The following EQTN variants were observed in gnomAD, a reference collection of about 807,000 sequenced individuals.
EQTN encodes equatorin.
Under a neutral mutation model 26.9 loss-of-function variants are expected in EQTN, and 29 were observed. The ratio of observed to expected loss-of-function variants is 1.08; its 90% CI spans 0.80 to 1.47. The LOEUF (loss-of-function observed/expected upper bound fraction) is 1.47, where lower values mean the gene tolerates loss of function less well. Among genes scored for constraint, EQTN ranks in the 40% most tolerant of loss-of-function variants. The probability of loss-of-function intolerance (pLI) is 0.00; values close to 1 mark genes in which losing one functional copy is unlikely to be tolerated. For missense variants in EQTN, 391 were observed against 346.1 expected, an observed-to-expected ratio of 1.13 and a Z score of -1.03; for synonymous variants, 129 against 120.0, an observed-to-expected ratio of 1.07 and a Z score of -0.49.
intron 6 of EQTN, among the ~76,000 whole-genome samples, chr9:27,288,549 C>T (rs1820165113): frequency 6.6e-6 from 1 of 152,146 alleles, no homozygotes; most frequent in Non-Finnish European, 1.5e-5. Context: ...CTTATGTACA[C>T]ACAAAACCCT....
At position 27,286,072 on chromosome 9, in the gene EQTN, A is replaced by T. The variant is rs188010079; in HGVS notation, c.635+137T>A. ...AGACAGTCCCGTGCTCCATCCGAAT[A>T]GGGTAAATGGAATCAATTTGAATGT... On this transcript the variant is annotated intron_variant, in intron 7 of 7. Transcript: ENST00000380032. 1.6e-4 allele frequency: 133 copies of T among 851,940 alleles called. No individual in the cohort carries two copies. The African/African-American group carries it at 1.8e-3, about 11-fold the overall frequency. 52.8% of individuals were successfully genotyped at this position (851,940 alleles called of 1,614,324 possible).
chr9:27,296,002 G>C (rs1049308962), intron 2 of EQTN, among the ~76,000 whole-genome samples: 4 of 151,970 alleles, frequency 2.6e-5, no homozygotes, highest in Admixed American at 6.6e-5. Context: ...AGTTATTAAA[G>C]ATACTTAAAC....
rs1257751590 is a variant in EQTN at position 27,285,483 on chromosome 9, G to C, written c.636-511C>G. Among the ~76,000 whole-genome samples the C allele has an allele frequency of 3.9e-5, 6 of 152,092 alleles. No individual in the cohort carries two copies. The East Asian group carries it at 1.2e-3, about 29-fold the overall frequency. The stretch of plus-strand genomic sequence containing the variant: ...GTAATTTGATTCTATGTAACACTTT[G>C]AAGCATGTTTCAAATCTCTACTAGA... On this transcript the variant is annotated intron_variant, in intron 7 of 7. Coordinates refer to ENST00000380032, the MANE Select transcript of EQTN (RefSeq NM_020641.3).
In EQTN at chr9:27,289,709, G is replaced by C; in HGVS notation, c.444C>G (p.Val148=). 6.2e-7 allele frequency: 1 copy of C among 1,607,456 alleles called. No homozygotes were observed. Among genetic ancestry groups the C allele is most frequent in the Non-Finnish European group, 8.5e-7 (1 of 1,176,754 alleles). Residue 148 remains valine, a synonymous_variant, in exon 6 of 8, where the codon GTC becomes GTG. Transcript: ENST00000380032. The part of the protein sequence containing the change: ...LAKAINGTAV[V]MDDKDQLFHP... ...GAAATAATTGATCTTTATCATCCATGACCACTGCTGTTCCATTTATAGCTG... is the reference window on the plus strand; with the variant it reads ...GAAATAATTGATCTTTATCATCCATCACCACTGCTGTTCCATTTATAGCTG...
At chr9:27,295,859 G>GAAAAAAAAA (rs1563833686) in intron 2 of EQTN, among the ~76,000 whole-genome samples, 8 of 128,404 alleles carry the variant, frequency 6.2e-5, no homozygotes, top group African/African-American at 2.5e-4. Context: ...AAAAAACAAC[G>GAAAAAAAAA]ATAAAATTAC....
In EQTN at chr9:27,291,068, TAAAAC is replaced by T; in HGVS notation, c.377-10_377-6del. 6.2e-7 allele frequency: 1 copy of T among 1,608,286 alleles called. No homozygotes were observed. Among genetic ancestry groups the T allele is most frequent in the Non-Finnish European group, 8.5e-7 (1 of 1,177,372 alleles). ...CAGGCACGTTTGGGGTTGATCCTGT[TAAAAC>T]AAAACAAAACACAACAAGAACAACA... On this transcript the variant is annotated splice_polypyrimidine_tract_variant and splice_region_variant and intron_variant, in intron 4 of 7. Transcript: ENST00000380032.
At chr9:27,285,049 A>C in intron 7 of EQTN, 77 bp from the exon 8 acceptor site, 1 of 1,339,746 alleles carries the variant, frequency 7.5e-7, no homozygotes, top group South Asian at 1.5e-5. Flanking sequence ...AAAGCATTCA[A>C]AAATTAAAAT....
At chr9:27,285,133 CTTTTTTTTT>C (rs201723057) in intron 7 of EQTN, among the ~76,000 whole-genome samples, 161 bp from the exon 8 acceptor site, 2 of 77,078 alleles carry the variant, frequency 2.6e-5, no homozygotes, top group South Asian at 4.9e-4. Flanking sequence ...TTTTCTTTTC[CTTTTTTTTT>C]TTTTTTTTTT....
intron 5 of EQTN, 32 bp from the exon 6 acceptor site, chr9:27,289,763 A>G (rs1406303763): frequency 6.4e-7 from 1 of 1,556,584 alleles, no homozygotes; most frequent in Non-Finnish European, 8.8e-7. Flanking sequence ...ATGGTAAACA[A>G]CGTTCACTTA....
intron 6 of EQTN, 88 bp downstream of exon 6, chr9:27,289,584 A>C: frequency 8.9e-7 from 1 of 1,117,694 alleles, no homozygotes; most frequent in East Asian, 2.6e-5. Flanking sequence ...TCCTGGACTC[A>C]AGCGATCCAC....
At chr9:27,294,973 C>T (rs899483712) in intron 2 of EQTN, among the ~76,000 whole-genome samples, 2 of 152,148 alleles carry the variant, frequency 1.3e-5, no homozygotes, top group Admixed American at 6.5e-5. Context: ...TGGATCAAGA[C>T]GGCAGACTGG....
intron 6 of EQTN, among the ~76,000 whole-genome samples, chr9:27,289,118 G>A (rs187028950): frequency 3.3e-5 from 5 of 152,108 alleles, no homozygotes; most frequent in Non-Finnish European, 7.4e-5. Context: ...AATTCTGTAC[G>A]TTCTGCCAAA....
intron 6 of EQTN, among the ~76,000 whole-genome samples, chr9:27,288,417 C>T (rs1367383843): frequency 6.6e-6 from 1 of 152,174 alleles, no homozygotes; most frequent in Non-Finnish European, 1.5e-5. Flanking sequence ...CCACTCTCAT[C>T]TTCCCACCTT....
rs765247653 is a variant in EQTN at position 27,284,770 on chromosome 9, C to G, written c.838G>C (p.Gly280Arg). 13 of 1,613,952 alleles carry G rather than the reference C, an allele frequency of 8.1e-6. No individual in the cohort carries two copies. The South Asian group carries it at 1.4e-4, about 18-fold the overall frequency. The change falls in exon 8 of 8, where the codon GGC (glycine) becomes CGC (arginine). Residue 280 changes from glycine (G) to arginine (R), a missense_variant. By Grantham distance (125) the Gly-to-Arg change is moderately radical. Coordinates refer to ENST00000380032, the MANE Select transcript of EQTN (RefSeq NM_020641.3). ...SKIMTDIISI[G>R]SDNEMHENDE... ...TTTTCATGCATCTCATTATCTGAGC[C>G]TATGGAAATGATATCCGTCATTATC... is the stretch of plus-strand genomic sequence containing the variant.
chr9:27,288,225 T>C (rs1476141695), intron 6 of EQTN, among the ~76,000 whole-genome samples: 1 of 152,200 alleles, frequency 6.6e-6, no homozygotes, highest in Non-Finnish European at 1.5e-5. Context: ...ACAGAGGTTT[T>C]TTTTGGGGAA....
chr9:27,297,041 C>G lies in EQTN; in HGVS notation c.15G>C (p.Leu5Phe). The G allele has an allele frequency of 6.2e-7, 1 of 1,606,988 alleles. No homozygotes were observed. Among genetic ancestry groups the G allele is most frequent in the East Asian group, 2.2e-5 (1 of 44,784 alleles). ...AAAAAACTCCAGGTATAAAAATAAACAATATAAAATTCATTGGGAAATTGA... is the reference window on the plus strand; with the variant it reads ...AAAAAACTCCAGGTATAAAAATAAAGAATATAAAATTCATTGGGAAATTGA... MNFI[L>F]FIFIPGVFSL... Residue 5 changes from leucine (L) to phenylalanine (F), a missense_variant, in exon 1 of 8, where the codon TTG (leucine) becomes TTC (phenylalanine). By Grantham distance (22) the Leu-to-Phe change is conservative. Transcript: ENST00000380032.
At position 27,286,189 on chromosome 9, in the gene EQTN, GC is replaced by G; in HGVS notation, c.635+19del. The stretch of plus-strand genomic sequence containing the variant: ...ATGTCATGCATTTGTTGTAAAGACT[GC>G]AGAGGTCTGCAGACTTACCTCAGAT... On this transcript the variant is annotated intron_variant, in intron 7 of 7. Coordinates refer to ENST00000380032, the MANE Select transcript of EQTN (RefSeq NM_020641.3). 6.2e-7 allele frequency: 1 copy of G among 1,611,164 alleles called. No individual in the cohort carries two copies. The highest frequency in any genetic ancestry group is 1.1e-5 in the South Asian group (1 of 90,730).
intron 3 of EQTN, among the ~76,000 whole-genome samples, chr9:27,293,210 C>T (rs1163518672): frequency 6.6e-6 from 1 of 152,124 alleles, no homozygotes; most frequent in Non-Finnish European, 1.5e-5. Context: ...TGACAAGTGT[C>T]TTGCTGCCAA....
chr9:27,286,704 T>A (rs148208118), intron 6 of EQTN, among the ~76,000 whole-genome samples: 91 of 152,308 alleles, frequency 6.0e-4, no homozygotes, highest in African/African-American at 1.9e-3. Flanking sequence ...TAGCAGACTT[T>A]CTCTGATTTA....
Sources: gnomAD v4.1 joint callset for allele counts (sites outside exome capture counted in the v4.1 genomes callset) on GRCh38, gnomAD v4.1.1 for gene constraint, MANE v1.5 for transcripts, NCBI Gene and HGNC (gene_info 2026-07-23, HGNC 2026-07-21) for gene names.